PDZRN3: variants seen among roughly 807,000 people sequenced by gnomAD.
PDZRN3 encodes E3 ubiquitin-protein ligase PDZRN3.
Under a neutral mutation model 85.7 loss-of-function variants are expected in PDZRN3, and 38 were observed. The ratio of observed to expected loss-of-function variants is 0.44; its 90% CI spans 0.34 to 0.58. The LOEUF (loss-of-function observed/expected upper bound fraction) is 0.58, where lower values mean the gene tolerates loss of function less well. Ranked by LOEUF, PDZRN3 falls within the 20% of genes least tolerant of loss-of-function variation. PDZRN3 has a pLI of 0.01. For missense variants in PDZRN3, 1,629 were observed against 1,506.4 expected (o/e 1.08, Z -1.35); for synonymous variants, 759 against 638.0 (o/e 1.19, Z -2.86).
intron 3 of PDZRN3, among the ~76,000 whole-genome samples, chr3:73,596,281 C>T (rs767467873): frequency 3.9e-5 from 6 of 152,062 alleles, no homozygotes; most frequent in East Asian, 1.9e-4. Context: ...CTTCTTATAG[C>T]GGAAAGTCAA....
chr3:73,487,728 G>A (rs1703690759), intron 3 of PDZRN3, among the ~76,000 whole-genome samples: 1 of 152,168 alleles, frequency 6.6e-6, no homozygotes, highest in African/African-American at 2.4e-5. Flanking sequence ...TCTTATGTAA[G>A]CTGAATAATT....
chr3:73,607,608 T>C (rs1702621482), intron 2 of PDZRN3, among the ~76,000 whole-genome samples: 1 of 152,224 alleles, frequency 6.6e-6, no homozygotes, highest in Non-Finnish European at 1.5e-5. Flanking sequence ...TTTACTACTA[T>C]CTCCTCTTGT....
chr3:73,487,608 T>C (rs1703688210), intron 3 of PDZRN3, among the ~76,000 whole-genome samples: 1 of 152,226 alleles, frequency 6.6e-6, no homozygotes, highest in Non-Finnish European at 1.5e-5. Context: ...CTTTCTTCTC[T>C]GGCTAAAACT....
intron 3 of PDZRN3, among the ~76,000 whole-genome samples, chr3:73,498,634 G>C (rs981985275): frequency 1.2e-4 from 18 of 151,740 alleles, no homozygotes; most frequent in Non-Finnish European, 2.5e-4. Context: ...GCCCAGGCTG[G>C]AGTGCAATGA....
intron 3 of PDZRN3, among the ~76,000 whole-genome samples, chr3:73,489,050 G>A (rs947598320): frequency 1.3e-5 from 2 of 152,208 alleles, no homozygotes; most frequent in African/African-American, 4.8e-5. Flanking sequence ...GTGTGGATTA[G>A]GGCTGCAGGC....
chr3:73,536,153 A>G (rs1704780309), intron 3 of PDZRN3, among the ~76,000 whole-genome samples: 2 of 152,240 alleles, frequency 1.3e-5, no homozygotes, highest in Admixed American at 1.3e-4. Context: ...CTCCACTGTA[A>G]GCCATTTCTA....
intron 3 of PDZRN3, among the ~76,000 whole-genome samples, chr3:73,438,266 G>A (rs1471424494): frequency 6.6e-6 from 1 of 152,150 alleles, no homozygotes; most frequent in Non-Finnish European, 1.5e-5. Context: ...CCTCATAATC[G>A]TTCTTTGAAC....
At chr3:73,451,767 A>G (rs1702866439) in intron 3 of PDZRN3, among the ~76,000 whole-genome samples, 1 of 152,016 alleles carries the variant, frequency 6.6e-6, no homozygotes, top group Non-Finnish European at 1.5e-5. Flanking sequence ...AGTAACTCTC[A>G]CTCATGTCGT....
chr3:73,399,978 T>C (rs886360415), intron 5 of PDZRN3, among the ~76,000 whole-genome samples: 2 of 152,230 alleles, frequency 1.3e-5, no homozygotes, highest in Non-Finnish European at 2.9e-5. Context: ...ACTATTTGAC[T>C]GCTTCTGTCC....
At chr3:73,409,608 G>A (rs1407812653) in intron 3 of PDZRN3, among the ~76,000 whole-genome samples, 1 of 152,122 alleles carries the variant, frequency 6.6e-6, no homozygotes, top group African/African-American at 2.4e-5. Flanking sequence ...TATGGGTGGC[G>A]TTTTACCAAG....
intron 3 of PDZRN3, among the ~76,000 whole-genome samples, chr3:73,435,679 C>T (rs1185328694): frequency 6.6e-6 from 1 of 152,202 alleles, no homozygotes; most frequent in Non-Finnish European, 1.5e-5. Context: ...TGCCCTTGCA[C>T]ACCATGGATT....
chr3:73,519,622 CCATGTCCAGG>C (rs1266536041), intron 3 of PDZRN3, among the ~76,000 whole-genome samples: 1 of 152,138 alleles, frequency 6.6e-6, no homozygotes, highest in East Asian at 1.9e-4. Flanking sequence ...GTTAGGCAGC[CCATGTCCAGG>C]CATGTCCTGG....
intron 3 of PDZRN3, among the ~76,000 whole-genome samples, chr3:73,463,578 G>A (rs1010244801): frequency 1.3e-5 from 2 of 152,190 alleles, no homozygotes; most frequent in African/African-American, 4.8e-5. Flanking sequence ...ACACTGTGTG[G>A]GGAGTGTAAA....
intron 3 of PDZRN3, among the ~76,000 whole-genome samples, chr3:73,487,796 A>T (rs1703693093): frequency 6.6e-6 from 1 of 152,190 alleles, no homozygotes; most frequent in Admixed American, 6.5e-5. Context: ...TGACCTTTCC[A>T]GCAATTTCTT....
intron 2 of PDZRN3, among the ~76,000 whole-genome samples, chr3:73,608,084 G>T (rs994107638): frequency 6.6e-6 from 1 of 152,090 alleles, no homozygotes; most frequent in Admixed American, 6.5e-5. Flanking sequence ...CTTCTTTCTA[G>T]AGGAGGGTCT....
chr3:73,598,837 T>C (rs557293931), intron 3 of PDZRN3, among the ~76,000 whole-genome samples: 1 of 152,296 alleles, frequency 6.6e-6, no homozygotes, highest in East Asian at 1.9e-4. Flanking sequence ...ATCTCAAGGT[T>C]TTGGAATAAG....
At chr3:73,592,843 G>T (rs1702378427) in intron 3 of PDZRN3, among the ~76,000 whole-genome samples, 1 of 151,998 alleles carries the variant, frequency 6.6e-6, no homozygotes, top group Admixed American at 6.6e-5. Flanking sequence ...AATTACCATT[G>T]ACAATTTCTG....
At chr3:73,426,124 G>A (rs535814313) in intron 3 of PDZRN3, among the ~76,000 whole-genome samples, 7 of 152,072 alleles carry the variant, frequency 4.6e-5, no homozygotes, top group Non-Finnish European at 8.8e-5. Context: ...GATAATGCTG[G>A]AGCCTGGAGT....
intron 3 of PDZRN3, among the ~76,000 whole-genome samples, chr3:73,423,046 C>A (rs926427709): frequency 1.1e-4 from 16 of 152,164 alleles, no homozygotes; most frequent in African/African-American, 3.9e-4. Flanking sequence ...ATGTGCATTA[C>A]AAGTTATTCC....
Sources: gnomAD v4.1 joint callset for allele counts (sites outside exome capture counted in the v4.1 genomes callset) on GRCh38, gnomAD v4.1.1 for gene constraint, MANE v1.5 for transcripts, NCBI Gene and HGNC (gene_info 2026-07-23, HGNC 2026-07-21) for gene names.